The following CR1 variants were observed in gnomAD, a reference collection of about 807,000 sequenced individuals.
CR1 encodes complement C3b/C4b receptor 1 (Knops blood group).
In CR1, 116 loss-of-function variants were observed where a neutral mutation model predicts 187.3. The ratio of observed to expected loss-of-function variants is 0.62; its 90% CI spans 0.53 to 0.72. The LOEUF (loss-of-function observed/expected upper bound fraction) is 0.72. Ranked by LOEUF, CR1 falls within the 30% of genes least tolerant of loss-of-function variation. The probability of loss-of-function intolerance (pLI) is 0.00; values close to 1 mark genes in which losing one functional copy is unlikely to be tolerated. For synonymous variants in CR1, 576 were observed against 747.1 expected, an observed-to-expected ratio of 0.77 and a Z score of 3.73; for missense variants, 1,731 against 2,110.7, an observed-to-expected ratio of 0.82 and a Z score of 3.52.
chr1:207,515,013 A>ACG (rs944558375), intron 4 of CR1, among the ~76,000 whole-genome samples: 6 of 147,626 alleles, frequency 4.1e-5, no homozygotes, highest in South Asian at 4.2e-4. Context: ...ACACACACAC[A>ACG]CACACACACA....
chr1:207,621,604 T>C (rs978649059), intron 43 of CR1, among the ~76,000 whole-genome samples: 9 of 152,218 alleles, frequency 5.9e-5, no homozygotes, highest in Admixed American at 3.3e-4. Flanking sequence ...TACTAGATTA[T>C]GTTAGTTTGC....
Position 207,577,893 on chromosome 1 carries a change from C to T in CR1, c.4626C>T (p.Thr1542=), listed in dbSNP as rs375851258. 198 of 1,613,422 alleles carry T rather than the reference C, an allele frequency of 1.2e-4. No individual in the cohort carries two copies. In the African/African-American group the frequency reaches 2.4e-3, roughly 20 times the overall value. ...RENFHYGSVV[T]YRCNLGSRGR... Reference sequence around the variant, plus strand: ...ATTTTCACTATGGATCAGTGGTGACCTACCGCTGCAATCTTGGAAGCAGAG... The same window carrying T: ...ATTTTCACTATGGATCAGTGGTGACTTACCGCTGCAATCTTGGAAGCAGAG... Residue 1542 remains threonine, a synonymous_variant, in exon 29 of 47, where the codon ACC becomes ACT. Transcript: ENST00000367049.
chr1:207,617,011 G>A (rs1297227704), intron 41 of CR1, among the ~76,000 whole-genome samples: 1 of 152,176 alleles, frequency 6.6e-6, no homozygotes, highest in East Asian at 1.9e-4. Context: ...CCTATGGGGT[G>A]AAGAGTGTGG....
intron 45 of CR1, among the ~76,000 whole-genome samples, chr1:207,624,678 C>A (rs549566653): frequency 6.6e-6 from 1 of 152,116 alleles, no homozygotes; most frequent in African/African-American, 2.4e-5. Flanking sequence ...CTATATTTTA[C>A]GGCTTGACAT....
In CR1 at chr1:207,577,975, G is replaced by A. The variant is rs765221100; in HGVS notation, c.4708G>A (p.Asp1570Asn). Residue 1570 changes from aspartate (D) to asparagine (N), a missense_variant, in exon 29 of 47, where the codon GAT becomes AAT. By Grantham distance (23) the Asp-to-Asn change is conservative. Coordinates refer to ENST00000367049, the MANE Select transcript of CR1 (RefSeq NM_000651.6). ...EPSIYCTSND[D>N]QVGIWSGPAP... ...CTCCATATACTGCACCAGCAATGAC[G>A]ATCAAGTGGGCATCTGGAGCGGCCC... The A allele has an allele frequency of 3.1e-6, 5 of 1,611,842 alleles. No homozygotes were observed. The highest frequency in any genetic ancestry group is 2.2e-4 in the Middle Eastern group (1 of 4,484).
intron 39 of CR1, among the ~76,000 whole-genome samples, chr1:207,613,094 C>A (rs1661983805): frequency 6.6e-6 from 1 of 152,126 alleles, no homozygotes; most frequent in Admixed American, 6.6e-5. Flanking sequence ...TTCTTTGTAC[C>A]TGCGTTTGGT....
intron 4 of CR1, among the ~76,000 whole-genome samples, chr1:207,515,454 G>A (rs1003852772): frequency 1.3e-5 from 2 of 151,676 alleles, no homozygotes; most frequent in African/African-American, 4.8e-5. Context: ...CCTTCCCGAT[G>A]CCCTTTCCCA....
intron 1 of CR1, among the ~76,000 whole-genome samples, chr1:207,502,631 A>G (rs1335346897): frequency 6.6e-6 from 1 of 152,216 alleles, no homozygotes; most frequent in Non-Finnish European, 1.5e-5. Flanking sequence ...GGGAACATAG[A>G]CAAGGGCTTC....
chr1:207,523,117 C>T (rs575811611), intron 4 of CR1, among the ~76,000 whole-genome samples: 1 of 152,106 alleles, frequency 6.6e-6, no homozygotes, highest in Non-Finnish European at 1.5e-5. Context: ...ATTTAACCCC[C>T]TGTAGTCTAC....
rs1660417502 is a variant in CR1 at position 207,564,289 on chromosome 1, T to C, written c.3866+55T>C. 3.1e-6 allele frequency: 5 copies of C among 1,594,082 alleles called. No individual in the cohort carries two copies. The African/African-American group carries it at 4.8e-5, about 15-fold the overall frequency. On this transcript the variant is annotated intron_variant, in intron 23 of 46. Transcript: ENST00000367049. ...CATTGAAATTGGGGTTGGGAATCAG[T>C]CTAAAAAGGGGAGATTTGGTGTGGC...
At chr1:207,503,465 G>A (rs1659336017) in intron 1 of CR1, among the ~76,000 whole-genome samples, 1 of 152,142 alleles carries the variant, frequency 6.6e-6, no homozygotes, top group African/African-American at 2.4e-5. Context: ...CCTTGTGGAG[G>A]CTCCAGGGGA....
chr1:207,518,229 A>C (rs1252951227), intron 4 of CR1, among the ~76,000 whole-genome samples: 1 of 152,150 alleles, frequency 6.6e-6, no homozygotes, highest in Non-Finnish European at 1.5e-5. Flanking sequence ...GGCATTGCTT[A>C]ATTTCTAAAT....
At chr1:207,583,193 A>G (rs1343506679) in intron 32 of CR1, among the ~76,000 whole-genome samples, 2 of 152,216 alleles carry the variant, frequency 1.3e-5, no homozygotes, top group Admixed American at 1.3e-4. Context: ...CAGGAGGGTG[A>G]GGTGCCCTGG....
intron 45 of CR1, among the ~76,000 whole-genome samples, chr1:207,626,434 T>A (rs1441346285): frequency 2.0e-5 from 3 of 152,212 alleles, no homozygotes; most frequent in Admixed American, 1.3e-4. Context: ...GAGGGCTGAT[T>A]ATTCCTTATC....
At chr1:207,627,900 G>A (rs1196908055) in intron 45 of CR1, among the ~76,000 whole-genome samples, 2 of 152,160 alleles carry the variant, frequency 1.3e-5, no homozygotes, top group Non-Finnish European at 2.9e-5. Flanking sequence ...TCTCAAATCA[G>A]AGAAAAGGAG....
chr1:207,626,989 G>A (rs1662497921), intron 45 of CR1, among the ~76,000 whole-genome samples: 1 of 152,130 alleles, frequency 6.6e-6, no homozygotes, highest in South Asian at 2.1e-4. Flanking sequence ...AGTGAGTTGA[G>A]ATTGTGCCAC....
chr1:207,598,653 C>T (rs1462517787), intron 35 of CR1, among the ~76,000 whole-genome samples: 2 of 152,120 alleles, frequency 1.3e-5, no homozygotes, highest in Non-Finnish European at 2.9e-5. Flanking sequence ...CTCTTGACCT[C>T]GTGATCTGCC....
chr1:207,603,798 G>A (rs527517419), intron 35 of CR1, among the ~76,000 whole-genome samples: 2 of 152,128 alleles, frequency 1.3e-5, no homozygotes, highest in African/African-American at 2.4e-5. Context: ...GAATTAAAGT[G>A]GTTTCGCATT....
intron 3 of CR1, among the ~76,000 whole-genome samples, chr1:207,510,758 C>T (rs1659586359): frequency 6.6e-6 from 1 of 150,580 alleles, no homozygotes; most frequent in Non-Finnish European, 1.5e-5. Context: ...TCCTTCCTTC[C>T]TTCCTTCCTC....
Sources: allele counts gnomAD v4.1 joint callset (sites outside exome capture counted in the v4.1 genomes callset), GRCh38; gene constraint gnomAD v4.1.1; transcripts MANE v1.5; gene names NCBI Gene and HGNC (gene_info 2026-07-23, HGNC 2026-07-21).